KCNMA1: variants seen among roughly 807,000 people sequenced by gnomAD.
KCNMA1 encodes Calcium-activated potassium channel subunit alpha-1.
In KCNMA1, 29 loss-of-function variants were observed where a neutral mutation model predicts 140.0. That is an observed-to-expected ratio of 0.21 (90% CI 0.15 to 0.28). The LOEUF (loss-of-function observed/expected upper bound fraction) is 0.28, where lower values mean the gene tolerates loss of function less well. Among genes scored for constraint, KCNMA1 ranks in the 10% least tolerant of loss-of-function variants. KCNMA1 has a pLI of 1.00. For synonymous variants in KCNMA1, 612 were observed against 611.9 expected (o/e 1.00, Z 0.00); for missense variants, 880 against 1,602.2 (o/e 0.55, Z 7.70).
At chr10:77,082,724 G>A (rs1269499171) in intron 12 of KCNMA1, among the ~76,000 whole-genome samples, 1 of 152,206 alleles carries the variant, frequency 6.6e-6, no homozygotes, top group Non-Finnish European at 1.5e-5. Flanking sequence ...GCCCAGGTGT[G>A]AAGCCAGAAT....
At chr10:77,563,062 C>A (rs76129194) in intron 1 of KCNMA1, among the ~76,000 whole-genome samples, 27 of 147,934 alleles carry the variant, frequency 1.8e-4, no homozygotes, top group Non-Finnish European at 1.3e-4. Flanking sequence ...GAGACTTGAG[C>A]AAAAAAAAAA....
At chr10:77,326,099 G>T (rs2084092207) in intron 2 of KCNMA1, among the ~76,000 whole-genome samples, 1 of 152,218 alleles carries the variant, frequency 6.6e-6, no homozygotes, top group South Asian at 2.1e-4. Flanking sequence ...GCTCAGTAGT[G>T]ATTGGAAGCC....
intron 1 of KCNMA1, among the ~76,000 whole-genome samples, chr10:77,568,399 C>T (rs2069245614): frequency 6.6e-6 from 1 of 152,232 alleles, no homozygotes; most frequent in Non-Finnish European, 1.5e-5. Context: ...ATCAAGTCGG[C>T]TTCATCCCTG....
At chr10:77,293,831 C>A (rs550023900) in intron 2 of KCNMA1, among the ~76,000 whole-genome samples, 7 of 152,220 alleles carry the variant, frequency 4.6e-5, no homozygotes, top group Non-Finnish European at 1.0e-4. Flanking sequence ...TCCCAAAATG[C>A]GACTAATCTG....
chr10:77,083,168 A>G (rs1185020430), intron 12 of KCNMA1, among the ~76,000 whole-genome samples: 6 of 152,096 alleles, frequency 3.9e-5, no homozygotes, highest in Admixed American at 3.9e-4. Flanking sequence ...CGGAAATCCC[A>G]CTGAATTTAG....
intron 3 of KCNMA1, among the ~76,000 whole-genome samples, chr10:77,220,485 T>C (rs368291700): frequency 8.5e-5 from 13 of 152,224 alleles, no homozygotes; most frequent in African/African-American, 3.1e-4. Flanking sequence ...GAAAAACATT[T>C]CCTTGTCATT....
At chr10:77,199,975 G>C (rs2154152838) in intron 3 of KCNMA1, among the ~76,000 whole-genome samples, 1 of 152,228 alleles carries the variant, frequency 6.6e-6, no homozygotes, top group African/African-American at 2.4e-5. Flanking sequence ...TTTTGAGACA[G>C]AGTTTCACTC....
rs764133838 is a variant in KCNMA1 at position 77,108,460 on chromosome 10, A to C, written c.1223+21T>G. The C allele has an allele frequency of 6.8e-6, 11 of 1,610,218 alleles. 1 individual carries two copies. In the African/African-American group the frequency reaches 1.3e-4, roughly 20 times the overall value. ...AGGATTCTACCGCAGCAGAGGCAGC[A>C]AAACCTCTTGGCATACTTACTTTCT... is the stretch of plus-strand genomic sequence containing the variant. On this transcript the variant is annotated intron_variant, in intron 9 of 27. Coordinates refer to ENST00000286628, the MANE Select transcript of KCNMA1 (RefSeq NM_001161352.2). The surrounding 1 kb of genome is among the most constrained non-coding windows in gnomAD (Gnocchi z 4.6).
chr10:77,016,770 G>A (rs2092118552), intron 17 of KCNMA1, among the ~76,000 whole-genome samples: 1 of 152,118 alleles, frequency 6.6e-6, no homozygotes, highest in East Asian at 1.9e-4. Context: ...ACCTTCTTAA[G>A]ACTGCAGTGG....
At chr10:77,588,018 C>T (rs149459991) in intron 1 of KCNMA1, 8 of 250,092 alleles carry the variant, frequency 3.2e-5, no homozygotes, top group Non-Finnish European at 4.4e-5. Context: ...TAATCACAAC[C>T]ACATTAGGAG....
intron 14 of KCNMA1, chr10:77,071,703 G>A (rs371880524): frequency 1.3e-5 from 2 of 152,302 alleles, no homozygotes; most frequent in Non-Finnish European, 1.5e-5. Flanking sequence ...GTTCTGCTGA[G>A]CTGAGACCTT....
At position 76,886,798 on chromosome 10, in the gene KCNMA1, C is replaced by A; in HGVS notation, c.*468G>T. The A allele has an allele frequency of 9.7e-7, 1 of 1,032,354 alleles. No homozygotes were observed. Among genetic ancestry groups the A allele is most frequent in the Non-Finnish European group, 1.2e-6 (1 of 857,666 alleles). 63.9% of individuals were successfully genotyped at this position (1,032,354 alleles called of 1,614,324 possible). On this transcript the variant is annotated 3_prime_UTR_variant, in exon 28 of 28. Transcript: ENST00000286628. ...TGTTTGGTTGCTTGTTTCAAATAAA[C>A]ATGTGCTAACTTATTGTGTGTATAA...
chr10:77,497,726 C>G (rs943372709), intron 1 of KCNMA1, among the ~76,000 whole-genome samples: 2 of 152,226 alleles, frequency 1.3e-5, no homozygotes, highest in African/African-American at 4.8e-5. Flanking sequence ...AATTCAATAT[C>G]AAATCCAGTG....
intron 3 of KCNMA1, among the ~76,000 whole-genome samples, chr10:77,213,745 C>T (rs929150382): frequency 1.2e-4 from 19 of 152,124 alleles, no homozygotes; most frequent in South Asian, 2.1e-4. Flanking sequence ...CTTTCCTCCA[C>T]GCCACCCACC....
At chr10:77,160,686 T>C (rs1172681105) in intron 5 of KCNMA1, among the ~76,000 whole-genome samples, 1 of 152,196 alleles carries the variant, frequency 6.6e-6, no homozygotes, top group East Asian at 1.9e-4. Flanking sequence ...ATAACATCCA[T>C]CTCACAGAGT....
At chr10:77,589,589 T>C (rs1309898292) in intron 1 of KCNMA1, among the ~76,000 whole-genome samples, 1 of 152,208 alleles carries the variant, frequency 6.6e-6, no homozygotes, top group African/African-American at 2.4e-5. Flanking sequence ...GGTGGGTTCT[T>C]GGTCTGACTT....
At chr10:77,391,617 T>C (rs1043665077) in intron 2 of KCNMA1, among the ~76,000 whole-genome samples, 1 of 36,892 alleles carries the variant, frequency 2.7e-5, no homozygotes, top group Non-Finnish European at 4.6e-5. Context: ...AGGTTTTTTG[T>C]TTGTTTGTTT....
At chr10:76,930,630 C>T (rs985466712) in intron 23 of KCNMA1, among the ~76,000 whole-genome samples, 2 of 152,016 alleles carry the variant, frequency 1.3e-5, no homozygotes, top group African/African-American at 4.8e-5. Context: ...GGTATATATC[C>T]AACAGAAATG....
intron 2 of KCNMA1, among the ~76,000 whole-genome samples, chr10:77,353,463 T>C (rs924038003): frequency 3.3e-5 from 5 of 152,132 alleles, no homozygotes; most frequent in Non-Finnish European, 7.4e-5. Flanking sequence ...ATTCAGTGTC[T>C]GCTATTGCCA....
Sources: allele counts gnomAD v4.1 joint callset (sites outside exome capture counted in the v4.1 genomes callset), GRCh38; gene constraint gnomAD v4.1.1; non-coding constraint Gnocchi (gnomAD v3.1); transcripts MANE v1.5; gene names NCBI Gene and HGNC (gene_info 2026-07-23, HGNC 2026-07-21).